GRID2: variants seen among roughly 807,000 people sequenced by gnomAD.
GRID2 encodes the protein glutamate receptor ionotropic, delta-2.
Under a neutral mutation model 114.8 loss-of-function variants are expected in GRID2, and 33 were observed. The observed-to-expected ratio is 0.29, with a 90% CI of 0.22 to 0.38. The LOEUF (loss-of-function observed/expected upper bound fraction) is 0.38. Among genes scored for constraint, GRID2 ranks in the 10% least tolerant of loss-of-function variants. The pLI is 1.00. For synonymous variants in GRID2, 505 were observed against 449.9 expected (o/e 1.12, Z -1.55); for missense variants, 1,184 against 1,257.7 (o/e 0.94, Z 0.89).
chr4:93,098,758 A>G (rs12646815), intron 3 of GRID2, among the ~76,000 whole-genome samples: 7,734 of 151,982 alleles, frequency 0.051, 284 homozygotes, highest in East Asian at 0.15. Context: ...TGGTAGATCT[A>G]TTAGAATGGA....
intron 2 of GRID2, among the ~76,000 whole-genome samples, chr4:92,648,289 C>T (rs1311683614): frequency 2.7e-5 from 4 of 149,654 alleles, no homozygotes. Flanking sequence ...AGTGTGCATA[C>T]GGGTGCATCC....
intron 4 of GRID2, among the ~76,000 whole-genome samples, chr4:93,130,730 T>TC (rs1734721774): frequency 6.6e-6 from 1 of 152,208 alleles, no homozygotes; most frequent in African/African-American, 2.4e-5. Context: ...CTTTATTTTT[T>TC]CAAGTCCAAA....
chr4:93,259,027 G>T, intron 8 of GRID2: 1 of 393,602 alleles, frequency 2.5e-6, no homozygotes, highest in Non-Finnish European at 5.0e-6. Flanking sequence ...TCACAGAAAG[G>T]GAAAAAAGAT....
intron 2 of GRID2, among the ~76,000 whole-genome samples, chr4:92,823,982 A>G (rs1399410360): frequency 6.6e-6 from 1 of 152,158 alleles, no homozygotes; most frequent in Non-Finnish European, 1.5e-5. Context: ...GATGGTGTCT[A>G]TGGGGTTGCC....
chr4:92,649,154 G>GTTA, intron 2 of GRID2, among the ~76,000 whole-genome samples: 1 of 87,568 alleles, frequency 1.1e-5, no homozygotes, highest in Non-Finnish European at 2.3e-5. Flanking sequence ...AACTATATAT[G>GTTA]TATATAGTTA....
chr4:93,102,216 C>T (rs963174392), intron 3 of GRID2, among the ~76,000 whole-genome samples: 5 of 152,102 alleles, frequency 3.3e-5, no homozygotes, highest in Admixed American at 6.6e-5. Flanking sequence ...CTCCTGCAAT[C>T]GCAAAACTAC....
At chr4:92,902,591 T>G (rs1441885731) in intron 2 of GRID2, among the ~76,000 whole-genome samples, 1 of 152,058 alleles carries the variant, frequency 6.6e-6, no homozygotes, top group Non-Finnish European at 1.5e-5. Flanking sequence ...GAACAGTTTT[T>G]CCTAGATTCT....
chr4:93,460,001 C>A (rs976171077), intron 11 of GRID2, among the ~76,000 whole-genome samples: 1 of 152,112 alleles, frequency 6.6e-6, no homozygotes, highest in Non-Finnish European at 1.5e-5. Flanking sequence ...AAAGATTAGC[C>A]TAGATTGTCA....
At chr4:92,987,672 T>A (rs1034992274) in intron 2 of GRID2, among the ~76,000 whole-genome samples, 13 of 152,042 alleles carry the variant, frequency 8.6e-5, no homozygotes, top group Admixed American at 6.6e-4. Context: ...GTAATTATAG[T>A]TTTTTCTTCT....
intron 10 of GRID2, among the ~76,000 whole-genome samples, chr4:93,455,020 A>G (rs2149410843): frequency 6.6e-6 from 1 of 152,262 alleles, no homozygotes; most frequent in East Asian, 1.9e-4. Flanking sequence ...GACACATTAG[A>G]AAGGGATTAT....
At chr4:93,628,844 C>A (rs1742979360) in intron 14 of GRID2, among the ~76,000 whole-genome samples, 2 of 150,728 alleles carry the variant, frequency 1.3e-5, no homozygotes, top group African/African-American at 4.9e-5. Context: ...CGGCTCACTG[C>A]AACCTCCCCA....
intron 13 of GRID2, among the ~76,000 whole-genome samples, chr4:93,574,583 T>A (rs1357699071): frequency 6.6e-6 from 1 of 152,096 alleles, no homozygotes; most frequent in Non-Finnish European, 1.5e-5. Context: ...GCAGGGGAAC[T>A]CCTCTTTTTA....
intron 1 of GRID2, among the ~76,000 whole-genome samples, chr4:92,466,015 A>G (rs1721733636): frequency 6.6e-6 from 1 of 151,782 alleles, no homozygotes. Flanking sequence ...ATTGACATAT[A>G]ATAATTGCAC....
intron 1 of GRID2, among the ~76,000 whole-genome samples, chr4:92,571,272 A>C (rs1466607328): frequency 6.6e-6 from 1 of 152,068 alleles, no homozygotes; most frequent in East Asian, 1.9e-4. Context: ...AACAAAGATC[A>C]AAAGAGACAA....
intron 11 of GRID2, among the ~76,000 whole-genome samples, chr4:93,487,220 G>T (rs966897220): frequency 6.6e-6 from 1 of 151,308 alleles, no homozygotes; most frequent in Admixed American, 6.6e-5. Context: ...AGCTTATTTT[G>T]GTCTTTTTAA....
chr4:93,595,686 A>G (rs1578352820), intron 13 of GRID2, among the ~76,000 whole-genome samples: 2 of 152,308 alleles, frequency 1.3e-5, no homozygotes, highest in African/African-American at 2.4e-5. Flanking sequence ...TTGCCCTAGA[A>G]GTTTGCACAA....
chr4:93,251,416 G>C (rs1748916399), intron 8 of GRID2, among the ~76,000 whole-genome samples: 1 of 152,032 alleles, frequency 6.6e-6, no homozygotes. Context: ...ATAACACTAG[G>C]TTATAAAATT....
At chr4:93,168,928 A>C (rs1738526138) in intron 4 of GRID2, among the ~76,000 whole-genome samples, 1 of 152,132 alleles carries the variant, frequency 6.6e-6, no homozygotes, top group African/African-American at 2.4e-5. Context: ...AACAATTAAA[A>C]TAAAAGTTAA....
intron 13 of GRID2, among the ~76,000 whole-genome samples, chr4:93,528,414 AT>A (rs760578146): frequency 0.015 from 1,983 of 133,410 alleles, 17 homozygotes; most frequent in African/African-American, 0.031. Flanking sequence ...CAAGAGTTCC[AT>A]TTTTTTTTTT....
Sources: allele counts gnomAD v4.1 joint callset (sites outside exome capture counted in the v4.1 genomes callset), GRCh38; gene constraint gnomAD v4.1.1; transcripts MANE v1.5; gene names NCBI Gene and HGNC (gene_info 2026-07-23, HGNC 2026-07-21).